Variants in STX3 observed in about 807,000 individuals in gnomAD.
STX3 encodes the protein syntaxin 3.
STX3 carries 19 observed loss-of-function variants against 40.2 expected under a neutral mutation model. The ratio of observed to expected loss-of-function variants is 0.47; its 90% CI spans 0.33 to 0.69. The LOEUF (loss-of-function observed/expected upper bound fraction) is 0.69, where lower values mean the gene tolerates loss of function less well. Among genes scored for constraint, STX3 ranks in the 30% least tolerant of loss-of-function variants. The probability of loss-of-function intolerance (pLI) is 0.02; values close to 1 mark genes in which losing one functional copy is unlikely to be tolerated. For missense variants in STX3, 364 were observed against 366.7 expected, an observed-to-expected ratio of 0.99 and a Z score of 0.06; for synonymous variants, 122 against 132.2, an observed-to-expected ratio of 0.92 and a Z score of 0.53.
chr11:59,781,100 T>TTTTTTTTAATATA (rs963410109), intron 2 of STX3, among the ~76,000 whole-genome samples: 3 of 146,308 alleles, frequency 2.1e-5, no homozygotes, highest in African/African-American at 5.2e-5. Flanking sequence ...TTTTTTTTTT[T>TTTTTTTTAATATA]TATATTAGCA....
At chr11:59,784,341 T>TC (rs1271097789) in intron 2 of STX3, among the ~76,000 whole-genome samples, 4 of 152,212 alleles carry the variant, frequency 2.6e-5, no homozygotes. Context: ...AAAGCCTTTT[T>TC]CCCTCCCTCA....
intron 2 of STX3, among the ~76,000 whole-genome samples, chr11:59,777,113 G>C (rs1237652392): frequency 2.0e-5 from 3 of 152,224 alleles, no homozygotes; most frequent in Non-Finnish European, 2.9e-5. Flanking sequence ...AAGGGTGATA[G>C]AAATTTTTAA....
Position 59,763,823 on chromosome 11 carries a change from T to A in STX3, c.30+8188T>A, listed in dbSNP as rs1413862801. Among the ~76,000 whole-genome samples the A allele has an allele frequency of 3.3e-5, 5 of 152,084 alleles. No individual in the cohort carries two copies. The East Asian group carries it at 7.7e-4, about 23-fold the overall frequency. Reference sequence around the variant, plus strand: ...ACCTGAGGTTGGGAGTTCAAGACCATCCTGGCCAACATGGCGGAAACCCTG... The same window carrying A: ...ACCTGAGGTTGGGAGTTCAAGACCAACCTGGCCAACATGGCGGAAACCCTG... On this transcript the variant is annotated intron_variant, in intron 1 of 10. Transcript: ENST00000337979.
intron 2 of STX3, among the ~76,000 whole-genome samples, chr11:59,785,021 C>T (rs956441182): frequency 1.3e-5 from 2 of 152,170 alleles, no homozygotes; most frequent in African/African-American, 2.4e-5. Context: ...GCTATGTGAC[C>T]TATAATTTCT....
intron 2 of STX3, among the ~76,000 whole-genome samples, chr11:59,785,847 A>G (rs1022476175): frequency 3.9e-5 from 6 of 152,226 alleles, no homozygotes; most frequent in Non-Finnish European, 8.8e-5. Flanking sequence ...TGAAGCAGAT[A>G]GACCCTACAG....
chr11:59,797,635 C>T (rs1865600338), intron 10 of STX3, among the ~76,000 whole-genome samples: 1 of 152,206 alleles, frequency 6.6e-6, no homozygotes, highest in African/African-American at 2.4e-5. Context: ...CAATCTCTGT[C>T]TTGTCGTATT....
intron 1 of STX3, among the ~76,000 whole-genome samples, chr11:59,770,183 C>T (rs923572030): frequency 1.4e-5 from 2 of 142,294 alleles, no homozygotes; most frequent in African/African-American, 5.3e-5. Flanking sequence ...TGTGTGTGTG[C>T]TGTATGTGTA....
chr11:59,785,104 C>T (rs1864665498), intron 2 of STX3, among the ~76,000 whole-genome samples: 2 of 152,102 alleles, frequency 1.3e-5, no homozygotes, highest in African/African-American at 4.8e-5. Flanking sequence ...TCTTAAAATG[C>T]TTCACAAATA....
intron 1 of STX3, among the ~76,000 whole-genome samples, chr11:59,772,974 AACACACACACACACAC>A (rs3035302): frequency 2.8e-5 from 4 of 140,588 alleles, no homozygotes; most frequent in Non-Finnish European, 4.6e-5. Flanking sequence ...CCCTGAAAGA[AACACACACACACACAC>A]ACACACACAC....
intron 1 of STX3, among the ~76,000 whole-genome samples, chr11:59,764,374 A>G (rs1156259292): frequency 2.0e-5 from 3 of 152,230 alleles, no homozygotes; most frequent in African/African-American, 4.8e-5. Context: ...CAACAATTCT[A>G]TGAGCAGATT....
chr11:59,793,618 G>C, intron 8 of STX3, 104 bp downstream of exon 8: 1 of 1,450,498 alleles, frequency 6.9e-7, no homozygotes, highest in South Asian at 1.4e-5. Flanking sequence ...GGTAGGGTGG[G>C]AGAACCATTG....
chr11:59,785,762 A>T (rs1223422946), intron 2 of STX3, among the ~76,000 whole-genome samples: 1 of 152,148 alleles, frequency 6.6e-6, no homozygotes, highest in Non-Finnish European at 1.5e-5. Context: ...AGATGTTAGG[A>T]TCCTACTGTA....
chr11:59,786,406 AT>A (rs1362889318), intron 2 of STX3, among the ~76,000 whole-genome samples: 1,550 of 126,922 alleles, frequency 0.012, 16 homozygotes, highest in African/African-American at 0.031. Context: ...CACCAGGCTA[AT>A]TTTTTTTTTT....
chr11:59,794,517 C>T (rs1865407061), intron 8 of STX3, among the ~76,000 whole-genome samples: 2 of 152,186 alleles, frequency 1.3e-5, no homozygotes, highest in South Asian at 2.1e-4. Flanking sequence ...CCATTCCCTA[C>T]TGGCCTCTGA....
chr11:59,769,209 A>T (rs1025644920), intron 1 of STX3, among the ~76,000 whole-genome samples: 1 of 152,110 alleles, frequency 6.6e-6, no homozygotes, highest in Non-Finnish European at 1.5e-5. Context: ...CCTGGCCATT[A>T]TGTTGCCATG....
At chr11:59,776,999 A>G (rs921781790) in intron 2 of STX3, among the ~76,000 whole-genome samples, 4 of 152,262 alleles carry the variant, frequency 2.6e-5, no homozygotes, top group Non-Finnish European at 5.9e-5. Context: ...TTATCTATTC[A>G]TCAAAGTATT....
Position 59,787,053 on chromosome 11 carries a change from T to C in STX3, c.131T>C (p.Leu44Pro), listed in dbSNP as rs1031021222. 6.2e-7 allele frequency: 1 copy of C among 1,614,006 alleles called. No individual in the cohort carries two copies. The highest frequency in any genetic ancestry group is 1.3e-5 in the African/African-American group (1 of 74,914). Residue 44 changes from leucine (L) to proline (P), a missense_variant, in exon 3 of 11, where the codon CTT (leucine) becomes CCT (proline). Transcript: ENST00000337979. ...TGATTATAGATTGAGGAAACTCGGC[T>C]TAACATTGACAAGATCTCAGAACAT... ...EFFSEIEETR[L>P]NIDKISEHVE...
At chr11:59,799,237 A>T (rs1460299511) in intron 10 of STX3, among the ~76,000 whole-genome samples, 1 of 148,784 alleles carries the variant, frequency 6.7e-6, no homozygotes, top group Non-Finnish European at 1.5e-5. Context: ...ATGCATTGTT[A>T]AAAAAAAACC....
intron 2 of STX3, among the ~76,000 whole-genome samples, chr11:59,781,100 T>TTTTTTTATATATA (rs963410109): frequency 2.0e-5 from 3 of 146,364 alleles, no homozygotes; most frequent in African/African-American, 7.7e-5. Flanking sequence ...TTTTTTTTTT[T>TTTTTTTATATATA]TATATTAGCA....
Sources: gnomAD v4.1 joint callset for allele counts (sites outside exome capture counted in the v4.1 genomes callset) on GRCh38, gnomAD v4.1.1 for gene constraint, MANE v1.5 for transcripts, NCBI Gene and HGNC (gene_info 2026-07-23, HGNC 2026-07-21) for gene names.